COL20A1: variants seen among roughly 807,000 people sequenced by gnomAD.
The protein encoded by COL20A1 is collagen alpha-1(XX) chain.
COL20A1 carries 164 observed loss-of-function variants against 152.9 expected under a neutral mutation model. The observed-to-expected ratio is 1.07, with a 90% CI of 0.94 to 1.22. The LOEUF (loss-of-function observed/expected upper bound fraction) is 1.22, where lower values mean the gene tolerates loss of function less well. COL20A1 is among the 50% of genes most tolerant of loss of function. The pLI is 0.00. For missense variants in COL20A1, 1,873 were observed against 1,744.8 expected (o/e 1.07, Z -1.31); for synonymous variants, 864 against 756.0 (o/e 1.14, Z -2.34).
intron 11 of COL20A1, among the ~76,000 whole-genome samples, chr20:63,310,928 A>G (rs947549737): frequency 1.3e-5 from 2 of 152,060 alleles, no homozygotes; most frequent in Admixed American, 6.5e-5. Flanking sequence ...GTACAACTCC[A>G]GTGGCTTTGG....
Position 63,298,007 on chromosome 20 carries a change from G to A in COL20A1, c.180G>A (p.Val60=), listed in dbSNP as rs1156909727. The change falls in exon 3 of 36, where the codon GTG becomes GTA. Residue 60 remains valine (V), a synonymous_variant. Coordinates refer to ENST00000358894, the MANE Select transcript of COL20A1 (RefSeq NM_020882.4). ...GCGGCCTCGGCTACCTGGTGCAGGT[G>A]AAGCCCATGGCAGGTGAGGACCTGC... ...EGSGLGYLVQ[V]KPMAGDSEQE... The A allele has an allele frequency of 1.2e-6, 2 of 1,610,402 alleles. No individual in the cohort carries two copies. The highest frequency in any genetic ancestry group is 2.2e-5 in the South Asian group (2 of 91,052).
At position 63,312,048 on chromosome 20, in the gene COL20A1, C is replaced by A. The variant is rs45465106; in HGVS notation, c.1796C>A (p.Ser599Ter). Reference sequence around the variant, plus strand: ...TATGTGTCCAGCGAGGGTGGACACTCGGGGCAGGTGAGAGCAGAGCCCTCC... The same window carrying A: ...TATGTGTCCAGCGAGGGTGGACACTAGGGGCAGGTGAGAGCAGAGCCCTCC... ...VTYVSSEGGH[S>*]GQTEAPGNAT... is the part of the protein sequence containing the mutation. Residue 599 changes from serine to a stop codon, truncating the protein, a stop_gained, in exon 14 of 36, where the codon TCG becomes TAG. Coordinates refer to ENST00000358894, the MANE Select transcript of COL20A1 (RefSeq NM_020882.4). LOFTEE classifies it high-confidence loss of function. 3.2e-6 allele frequency: 5 copies of A among 1,577,770 alleles called. No homozygotes were observed. Among genetic ancestry groups the A allele is most frequent in the African/African-American group, 1.4e-5 (1 of 73,954 alleles).
At chr20:63,315,324 A>T in intron 19 of COL20A1, 80 bp from the exon 20 acceptor site, 1 of 1,350,608 alleles carries the variant, frequency 7.4e-7, no homozygotes, top group Non-Finnish European at 1.0e-6. Flanking sequence ...TCGTCCATGA[A>T]GTGGCCCCTC....
chr20:63,308,899 G>A (rs761849026), intron 8 of COL20A1, among the ~76,000 whole-genome samples, 193 bp downstream of exon 8: 18 of 152,274 alleles, frequency 1.2e-4, no homozygotes, highest in African/African-American at 3.1e-4. Context: ...CTTTCCAATC[G>A]CCTGGTGTTT....
rs1480993282 is a variant in COL20A1, at chr20:63,330,961, GGA to G, written c.*249_*250del. The G allele has an allele frequency of 6.6e-6, 1 of 152,376 alleles. No individual in the cohort carries two copies. The highest frequency in any genetic ancestry group is 2.4e-5 in the African/African-American group (1 of 41,452). The allele number at this position is 152,376 out of a possible 1,614,324, so 9.4% of individuals were successfully genotyped here. A position where few individuals can be genotyped will look rare whatever the true frequency, so the allele number is the denominator to read the frequency against. The stretch of plus-strand genomic sequence containing the variant: ...CAAGCGAGGCGGGAGTCATTTCCTG[GGA>G]GAGTGTCCCCCACCCTGGCTCTGTG... On this transcript the variant is annotated 3_prime_UTR_variant, in exon 36 of 36. Transcript: ENST00000358894.
In COL20A1 at chr20:63,312,506, C is replaced by T. The variant is rs2068022548; in HGVS notation, c.1890C>T (p.Tyr630=). ...ACACTGTCCGTGTCACCTGCCTCTA[C>T]CCTGGGGGTGGCTCCTCTACGCTGA... is the stretch of plus-strand genomic sequence containing the variant. The part of the protein sequence containing the change: ...TTYTVRVTCL[Y]PGGGSSTLTG... The change falls in exon 15 of 36, where the codon TAC becomes TAT. Residue 630 remains tyrosine (Y), a synonymous_variant. Coordinates refer to ENST00000358894, the MANE Select transcript of COL20A1 (RefSeq NM_020882.4). 4 of 1,608,028 alleles carry T rather than the reference C, an allele frequency of 2.5e-6. No homozygotes were observed. Among genetic ancestry groups the T allele is most frequent in the Admixed American group, 1.7e-5 (1 of 59,758 alleles).
chr20:63,309,735 C>G, intron 9 of COL20A1, 23 bp from the exon 10 acceptor site: 1 of 1,535,874 alleles, frequency 6.5e-7, no homozygotes, highest in Non-Finnish European at 8.8e-7. Flanking sequence ...ACCACCTGCC[C>G]CCCACTCCCG....
At position 63,309,389 on chromosome 20, in the gene COL20A1, A is replaced by G; in HGVS notation, c.997A>G (p.Ile333Val). 1 of 1,553,192 alleles carries G rather than the reference A, an allele frequency of 6.4e-7. No individual in the cohort carries two copies. Among genetic ancestry groups the G allele is most frequent in the South Asian group, 1.2e-5 (1 of 84,464 alleles). Residue 333 changes from isoleucine to valine, a missense_variant, in exon 9 of 36, where the codon ATC becomes GTC. By Grantham distance (29) the Ile-to-Val change is conservative. Transcript: ENST00000358894. ...GCTCCTGGCGTCCCCGCCGAGGGAC[A>G]TCACCGTCCACAGCGTGCTGGACTT... ...LRLLASPPRDITVHSVLDFLQ... is the reference protein window; with the variant it reads ...LRLLASPPRDVTVHSVLDFLQ...
In COL20A1 at chr20:63,331,673, A is replaced by T. The variant is rs758260636; in HGVS notation, c.*957A>T. 1 of 152,202 alleles carries T rather than the reference A, an allele frequency of 6.6e-6. No homozygotes were observed. Among genetic ancestry groups the T allele is most frequent in the Non-Finnish European group, 1.5e-5 (1 of 68,044 alleles). 9.4% of individuals were successfully genotyped at this position (152,202 alleles called of 1,614,324 possible). A position where few individuals can be genotyped will look rare whatever the true frequency, so the allele number is the denominator to read the frequency against. On this transcript the variant is annotated 3_prime_UTR_variant, in exon 36 of 36. Transcript: ENST00000358894. The stretch of plus-strand genomic sequence containing the variant: ...CCGTGGGGGTGATGTGGGAACTTCT[A>T]CTTCCTTTCCAAACAAATATTCAGT...
rs752115346 is a variant in COL20A1 at position 63,328,423 on chromosome 20, G to A, written c.3706G>A (p.Gly1236Arg). The change falls in exon 34 of 36, where the codon GGG (glycine) becomes AGG (arginine). Residue 1236 changes from glycine (G) to arginine (R), a missense_variant. Physicochemically the swap from Gly to Arg is moderately radical, Grantham distance 125. Coordinates refer to ENST00000358894, the MANE Select transcript of COL20A1 (RefSeq NM_020882.4). ...GCTGGAGCCGGGCACTGAGCCCCTG[G>A]GGTCCCCTGGCACCCGCAGCAAGGC... ...QKLEPGTEPL[G>R]SPGTRSKALV... 13 of 1,612,332 alleles carry A rather than the reference G, an allele frequency of 8.1e-6. No homozygotes were observed. In the African/African-American group the frequency reaches 1.7e-4, roughly 22 times the overall value.
rs746167622 is a variant in COL20A1 at position 63,311,965 on chromosome 20, C to T, written c.1713C>T (p.Asp571=). The change falls in exon 14 of 36, where the codon GAC becomes GAT. Residue 571 remains aspartate (D), a synonymous_variant. Coordinates refer to ENST00000358894, the MANE Select transcript of COL20A1 (RefSeq NM_020882.4). This position sits in a 1 kb window ranked among gnomAD's most constrained non-coding sequence, Gnocchi z 4.4. ...RHLGFSDVSH[D]AARVFWEGAP... ...TGGGCTTCTCAGACGTGAGCCACGA[C>T]GCGGCACGAGTGTTCTGGGAGGGTG... 8.8e-6 allele frequency: 14 copies of T among 1,596,494 alleles called. No individual in the cohort carries two copies. The highest frequency in any genetic ancestry group is 6.8e-5 in the East Asian group (3 of 44,258).
In COL20A1 at chr20:63,311,564, GGGA is replaced by G; in HGVS notation, c.1539+28_1539+30del. The G allele has an allele frequency of 6.2e-7, 1 of 1,607,972 alleles. No homozygotes were observed. The highest frequency in any genetic ancestry group is 8.5e-7 in the Non-Finnish European group (1 of 1,178,202). On this transcript the variant is annotated intron_variant, in intron 12 of 35. Coordinates refer to ENST00000358894, the MANE Select transcript of COL20A1 (RefSeq NM_020882.4). The surrounding 1 kb of genome is among the most constrained non-coding windows in gnomAD (Gnocchi z 4.4). ...GGTGAGCTGGGCCGGGGGGTGGCGG[GGGA>G]GGCAGAGGAGTGGGGCAGAGCGAGT...
At chr20:63,312,162 G>A in intron 14 of COL20A1, 107 bp downstream of exon 14, 2 of 1,329,398 alleles carry the variant, frequency 1.5e-6, no homozygotes, top group Non-Finnish European at 2.0e-6. Context: ...CAAAACCACA[G>A]CGGCCACGAG....
intron 1 of COL20A1, among the ~76,000 whole-genome samples, chr20:63,294,124 CA>C: frequency 2.0e-5 from 1 of 49,982 alleles, no homozygotes; most frequent in Admixed American, 2.1e-4. Context: ...AGCGGGAGTG[CA>C]GGGGAGCGGA....
At chr20:63,308,290 T>C (rs2067956871) in intron 7 of COL20A1, among the ~76,000 whole-genome samples, 200 bp downstream of exon 7, 1 of 152,240 alleles carries the variant, frequency 6.6e-6, no homozygotes, top group Non-Finnish European at 1.5e-5. Flanking sequence ...GTGGCTCCTC[T>C]GTTCCACATT....
chr20:63,307,882 C>T lies in COL20A1; in HGVS notation c.656-89C>T, dbSNP rs905840153. The T allele has an allele frequency of 1.7e-5, 25 of 1,487,806 alleles. 1 individual carries two copies. The highest frequency in any genetic ancestry group is 1.9e-5 in the Non-Finnish European group (21 of 1,089,880). 92.2% of individuals were successfully genotyped at this position (1,487,806 alleles called of 1,614,324 possible). On this transcript the variant is annotated intron_variant, in intron 6 of 35. Coordinates refer to ENST00000358894, the MANE Select transcript of COL20A1 (RefSeq NM_020882.4). The stretch of plus-strand genomic sequence containing the variant: ...GTGGCCAGGTGACCCCACAGAGGCA[C>T]GTGCAGCTCTCAGGTGTGGCCTTGT...
Position 63,307,600 on chromosome 20 carries a change from G to A in COL20A1, c.607G>A (p.Ala203Thr), listed in dbSNP as rs768302472. 8.7e-6 allele frequency: 14 copies of A among 1,612,550 alleles called. No individual in the cohort carries two copies. The highest frequency in any genetic ancestry group is 8.3e-5 in the Admixed American group (5 of 59,988). Residue 203 changes from alanine (A) to threonine (T), a missense_variant, in exon 6 of 36, where the codon GCC becomes ACC. Physicochemically the swap from Ala to Thr is moderately conservative, Grantham distance 58 (BLOSUM62 0). Coordinates refer to ENST00000358894, the MANE Select transcript of COL20A1 (RefSeq NM_020882.4). ...CTTCCAGCAGGTCAAGGACTTCCTG[G>A]CCAGTGTCATCGCACCCTTTGAAAT... Reference protein sequence around the residue: ...SHFQQVKDFLASVIAPFEIGP... With the variant: ...SHFQQVKDFLTSVIAPFEIGP...
chr20:63,297,604 G>A (rs559827774), intron 2 of COL20A1, among the ~76,000 whole-genome samples: 9 of 152,324 alleles, frequency 5.9e-5, no homozygotes, highest in African/African-American at 9.6e-5. Flanking sequence ...GAGGACCCCC[G>A]GAGAGCCAGG....
At chr20:63,323,206 G>A (rs2068192523) in intron 27 of COL20A1, among the ~76,000 whole-genome samples, 1 of 152,222 alleles carries the variant, frequency 6.6e-6, no homozygotes, top group African/African-American at 2.4e-5. Context: ...CTTCTCCACC[G>A]TTCTTTTTTC....
Sources: gnomAD v4.1 joint callset for allele counts (sites outside exome capture counted in the v4.1 genomes callset) on GRCh38, gnomAD v4.1.1 for gene constraint, Gnocchi (gnomAD v3.1) non-coding constraint, MANE v1.5 for transcripts, NCBI Gene and HGNC (gene_info 2026-07-23, HGNC 2026-07-21) for gene names.